Variants in KDM4B observed in about 807,000 individuals in gnomAD.
KDM4B encodes the protein lysine-specific demethylase 4B.
In KDM4B, 32 loss-of-function variants were observed where a neutral mutation model predicts 125.2. That is an observed-to-expected ratio of 0.26 (90% CI 0.19 to 0.34). The LOEUF (loss-of-function observed/expected upper bound fraction) is 0.34. Among genes scored for constraint, KDM4B ranks in the 10% least tolerant of loss-of-function variants. The probability of loss-of-function intolerance (pLI) is 1.00; values close to 1 mark genes in which losing one functional copy is unlikely to be tolerated. For synonymous variants in KDM4B, 721 were observed against 677.9 expected (o/e 1.06, Z -0.99); for missense variants, 1,190 against 1,577.7 (o/e 0.75, Z 4.16).
chr19:5,088,676 G>A (rs988343268), intron 9 of KDM4B, among the ~76,000 whole-genome samples: 20 of 24,754 alleles, frequency 8.1e-4, no homozygotes, highest in Admixed American at 1.1e-3. Flanking sequence ...CCCCCCCCCC[G>A]CAAAAGAGCA....
At chr19:5,148,883 G>C (rs1425380337) in intron 21 of KDM4B, among the ~76,000 whole-genome samples, 1 of 152,342 alleles carries the variant, frequency 6.6e-6, no homozygotes, top group African/African-American at 2.4e-5. Context: ...GTAGGACGGG[G>C]CAGAGGGTGG....
At chr19:5,133,359 C>T (rs7250055) in intron 13 of KDM4B, among the ~76,000 whole-genome samples, 37,000 of 152,122 alleles carry the variant, frequency 0.24, 4,582 homozygotes, top group South Asian at 0.26. Context: ...GACTCCCTGT[C>T]GCACTCCTCT....
At chr19:4,977,503 C>G (rs2034488888) in intron 1 of KDM4B, among the ~76,000 whole-genome samples, 1 of 152,216 alleles carries the variant, frequency 6.6e-6, no homozygotes, top group Admixed American at 6.5e-5. Flanking sequence ...GCATTCATAG[C>G]TGGACCCAAG....
chr19:5,084,074 C>G (rs956777882), intron 9 of KDM4B, among the ~76,000 whole-genome samples: 1 of 151,906 alleles, frequency 6.6e-6, no homozygotes, highest in African/African-American at 2.4e-5. Flanking sequence ...TGGTGAAACC[C>G]TGTCTCTACT....
intron 21 of KDM4B, 135 bp downstream of exon 21, chr19:5,145,037 C>G (rs903366170): frequency 2.1e-5 from 23 of 1,121,918 alleles, no homozygotes; most frequent in Middle Eastern, 4.4e-4. Context: ...GTTAGTGAGG[C>G]CCGCAGGACC....
At position 5,142,923 on chromosome 19, in the gene KDM4B, C is replaced by T. The variant is rs547419383; in HGVS notation, c.2551-1044C>T. On this transcript the variant is annotated intron_variant, in intron 18 of 22. Transcript: ENST00000159111. This position sits in a 1 kb window ranked among gnomAD's most constrained non-coding sequence, Gnocchi z 5.4. ...GCGTGGGTGTGGCGGCCGCCAGGGC[C>T]CCGGTGCTGGCTCGGGCAGGTGTTG... Among the ~76,000 whole-genome samples the T allele has an allele frequency of 6.6e-6, 1 of 152,118 alleles. No homozygotes were observed. The highest frequency in any genetic ancestry group is 2.1e-4 in the South Asian group (1 of 4,818).
intron 18 of KDM4B, among the ~76,000 whole-genome samples, chr19:5,139,746 G>A (rs987679667): frequency 1.3e-5 from 2 of 152,208 alleles, no homozygotes; most frequent in Admixed American, 6.5e-5. Context: ...CTGCTCCTTC[G>A]CCCATTCCGT....
chr19:5,051,896 C>T (rs1284705074), intron 6 of KDM4B, among the ~76,000 whole-genome samples: 1 of 152,232 alleles, frequency 6.6e-6, no homozygotes, highest in East Asian at 1.9e-4. Context: ...GCTCCGCCCA[C>T]CCTCTCCTGC....
rs978528185 is a variant in KDM4B at position 5,127,855 on chromosome 19, C to T, written c.1316-3221C>T. On this transcript the variant is annotated intron_variant, in intron 11 of 22. Transcript: ENST00000159111. ...CAGGGCCTGGGGCGGTCACACCAGC[C>T]GCCCCTCAGCTCCCAGGAGGCCCCG... 3.3e-5 allele frequency among the ~76,000 whole-genome samples: 5 copies of T among 152,194 alleles called. No individual in the cohort carries two copies. The South Asian group carries it at 8.3e-4, about 25-fold the overall frequency.
In KDM4B at chr19:5,099,879, C is replaced by T. The variant is rs529835503; in HGVS notation, c.919-10743C>T. ...ATCTTGGACTTTCCAGCCTCCAGAA[C>T]CTTGAGAAATAAGGAAAGGGCAGAA... On this transcript the variant is annotated intron_variant, in intron 9 of 22. Transcript: ENST00000159111. 3.9e-5 allele frequency among the ~76,000 whole-genome samples: 6 copies of T among 152,296 alleles called. No individual in the cohort carries two copies. The East Asian group carries it at 9.6e-4, about 24-fold the overall frequency.
chr19:5,139,879 G>A (rs1048422885), intron 18 of KDM4B, among the ~76,000 whole-genome samples: 19 of 152,228 alleles, frequency 1.2e-4, no homozygotes, highest in Admixed American at 3.3e-4. Flanking sequence ...CTCATCGTGG[G>A]GGCTTGTGAA....
intron 2 of KDM4B, among the ~76,000 whole-genome samples, chr19:5,018,255 T>C (rs1253574978): frequency 1.3e-5 from 2 of 152,220 alleles, no homozygotes; most frequent in Admixed American, 1.3e-4. Flanking sequence ...CTCAAATTCC[T>C]GGCCTCAAAT....
chr19:5,063,793 C>T (rs1165170286), intron 6 of KDM4B, among the ~76,000 whole-genome samples: 2 of 152,212 alleles, frequency 1.3e-5, no homozygotes, highest in Admixed American at 6.5e-5. Flanking sequence ...TTTCCGTGGA[C>T]GGAGTTAACA....
At chr19:4,980,270 T>C (rs1042215480) in intron 1 of KDM4B, among the ~76,000 whole-genome samples, 1 of 151,960 alleles carries the variant, frequency 6.6e-6, no homozygotes, top group African/African-American at 2.4e-5. Context: ...CACACATCTC[T>C]TTCCTGTCTC....
chr19:5,052,096 G>A (rs2602727), intron 6 of KDM4B, among the ~76,000 whole-genome samples: 102,829 of 151,840 alleles, frequency 0.68, 35,111 homozygotes, highest in East Asian at 0.94. Flanking sequence ...ATTATCAGAA[G>A]ACTCCACCAG....
At chr19:5,031,867 G>A (rs539789657) in intron 2 of KDM4B, among the ~76,000 whole-genome samples, 14 of 152,214 alleles carry the variant, frequency 9.2e-5, no homozygotes, top group South Asian at 4.1e-4. Context: ...CTGTCTGGGC[G>A]GCTCCCTGCC....
chr19:5,047,870 G>A (rs779326264), intron 6 of KDM4B, among the ~76,000 whole-genome samples: 12 of 152,296 alleles, frequency 7.9e-5, no homozygotes, highest in African/African-American at 2.4e-4. Context: ...CCCCAGAGCC[G>A]AAGCTCCCAG....
chr19:5,102,707 G>A (rs1160278612), intron 9 of KDM4B, among the ~76,000 whole-genome samples: 2 of 150,994 alleles, frequency 1.3e-5, no homozygotes, highest in Non-Finnish European at 3.0e-5. Context: ...GGCGGGCGAC[G>A]GGTGACGGGT....
At chr19:5,002,942 C>T (rs1223284426) in intron 1 of KDM4B, among the ~76,000 whole-genome samples, 1 of 152,072 alleles carries the variant, frequency 6.6e-6, no homozygotes, top group South Asian at 2.1e-4. Flanking sequence ...CAGAGCGAGA[C>T]CCTGTCTCAA....
Sources: allele counts gnomAD v4.1 joint callset (sites outside exome capture counted in the v4.1 genomes callset), GRCh38; gene constraint gnomAD v4.1.1; non-coding constraint Gnocchi (gnomAD v3.1); transcripts MANE v1.5; gene names NCBI Gene and HGNC (gene_info 2026-07-23, HGNC 2026-07-21).